The following PDE1B variants were observed in gnomAD, a reference collection of about 807,000 sequenced individuals.
PDE1B encodes phosphodiesterase 1B.
In PDE1B, 13 loss-of-function variants were observed where a neutral mutation model predicts 66.7. The ratio of observed to expected loss-of-function variants is 0.19; its 90% CI spans 0.13 to 0.31. The LOEUF is 0.31. Ranked by LOEUF, PDE1B falls within the 10% of genes least tolerant of loss-of-function variation. PDE1B has a pLI of 1.00. For missense variants in PDE1B, 485 were observed against 682.3 expected (o/e 0.71, Z 3.22); for synonymous variants, 230 against 253.9 (o/e 0.91, Z 0.90).
intron 3 of PDE1B, among the ~76,000 whole-genome samples, chr12:54,567,524 TAAATA>T (rs766801477): frequency 0.026 from 3,759 of 147,244 alleles, 60 homozygotes; most frequent in Middle Eastern, 0.051. Context: ...AATAAATAAA[TAAATA>T]AAAAAAATAA....
chr12:54,553,200 T>C (rs1957301906), intron 2 of PDE1B, among the ~76,000 whole-genome samples: 1 of 152,204 alleles, frequency 6.6e-6, no homozygotes, highest in Non-Finnish European at 1.5e-5. Context: ...TCTACCACTC[T>C]GGGTTTCTGC....
At chr12:54,561,779 TGTGC>T in intron 2 of PDE1B, 1 of 509,066 alleles carries the variant, frequency 2.0e-6, no homozygotes, top group South Asian at 3.1e-5. Context: ...TGTGTGTGTG[TGTGC>T]GCGTGCCAAC....
chr12:54,559,896 A>G (rs1957384552), intron 2 of PDE1B, among the ~76,000 whole-genome samples: 1 of 152,118 alleles, frequency 6.6e-6, no homozygotes. Context: ...CCCATCCTGC[A>G]ACGCAAGCAT....
intron 2 of PDE1B, chr12:54,561,311 T>G: frequency 5.5e-6 from 2 of 363,594 alleles, no homozygotes; most frequent in Non-Finnish European, 9.3e-6. Context: ...GGGCTTCTTC[T>G]GAGAACAGAT....
chr12:54,567,857 TA>T (rs775457053), intron 3 of PDE1B, among the ~76,000 whole-genome samples: 1,429 of 142,360 alleles, frequency 0.01, 4 homozygotes, highest in Non-Finnish European at 0.015. Context: ...TATATATATA[TA>T]TATATTTTTT....
Position 54,575,134 on chromosome 12 carries a change from T to A in PDE1B, c.1101T>A (p.His367Gln). Residue 367 changes from histidine to glutamine, a missense_variant, in exon 11 of 16, where the codon CAT (histidine) becomes CAA (glutamine). Around this residue, in one of 4 missense-constraint regions of PDE1B, gnomAD observed 282 missense variants for 453.4 expected, o/e 0.62. Coordinates refer to ENST00000243052, the MANE Select transcript of PDE1B (RefSeq NM_000924.4). The surrounding 1 kb of genome is among the most constrained non-coding windows in gnomAD (Gnocchi z 4.0). ...CCAAGGCCCTGTCTCTACTGCTCCATGCTGCTGACATCAGCCACCCAACCA... is the reference window on the plus strand; with the variant it reads ...CCAAGGCCCTGTCTCTACTGCTCCAAGCTGCTGACATCAGCCACCCAACCA... ...DKPKALSLLL[H>Q]AADISHPTKQ... 6.2e-7 allele frequency: 1 copy of A among 1,613,946 alleles called. No individual in the cohort carries two copies. The highest frequency in any genetic ancestry group is 8.5e-7 in the Non-Finnish European group (1 of 1,179,836).
chr12:54,566,362 A>G (rs1156262412), intron 2 of PDE1B, among the ~76,000 whole-genome samples: 4 of 152,140 alleles, frequency 2.6e-5, no homozygotes, highest in African/African-American at 9.7e-5. Flanking sequence ...TGGATTCTGG[A>G]ATCATAATCC....
Position 54,550,618 on chromosome 12 carries a change from T to C in PDE1B, c.113+633T>C, listed in dbSNP as rs1014933930. Among the ~76,000 whole-genome samples, 11 of 141,640 alleles carry C rather than the reference T, an allele frequency of 7.8e-5. No individual in the cohort carries two copies. The South Asian group carries it at 2.3e-3, about 29-fold the overall frequency. The allele number at this position is 141,640 out of a possible 152,430, so 92.9% of individuals were successfully genotyped here. ...ACCCACGTGGAATCTGGAGGGGGGG[T>C]TGGAGCCCCCACCTGGAAGCTGAAG... On this transcript the variant is annotated intron_variant, in intron 2 of 15. Coordinates refer to ENST00000243052, the MANE Select transcript of PDE1B (RefSeq NM_000924.4).
Position 54,575,035 on chromosome 12 carries a change from A to G in PDE1B, c.1065-63A>G, listed in dbSNP as rs530896028. 1,447 of 1,473,766 alleles carry G rather than the reference A, an allele frequency of 9.8e-4. 2 individuals are homozygous for G. The highest frequency in any genetic ancestry group is 1.3e-3 in the Non-Finnish European group (1,389 of 1,065,652). The allele number at this position is 1,473,766 out of a possible 1,614,324, so 91.3% of individuals were successfully genotyped here. A position where few individuals can be genotyped will look rare whatever the true frequency, so the allele number is the denominator to read the frequency against. ...TAGGGTGTGCGTGGGAAGTTAGGGA[A>G]TGGTCCTAACTTCCTTTTCCTAAAA... On this transcript the variant is annotated intron_variant, in intron 10 of 15. Coordinates refer to ENST00000243052, the MANE Select transcript of PDE1B (RefSeq NM_000924.4). This position sits in a 1 kb window ranked among gnomAD's most constrained non-coding sequence, Gnocchi z 4.0.
At chr12:54,576,269 A>G in intron 13 of PDE1B, 169 bp downstream of exon 13, 1 of 637,476 alleles carries the variant, frequency 1.6e-6, no homozygotes, top group Admixed American at 2.3e-5. Flanking sequence ...TGGGATCAGA[A>G]GGGTGTGACC....
At chr12:54,550,047 G>C in intron 2 of PDE1B, 62 bp downstream of exon 2, 2 of 1,576,662 alleles carry the variant, frequency 1.3e-6, no homozygotes, top group African/African-American at 1.3e-5. Flanking sequence ...GGAGGAGGAG[G>C]GGGGATAACT....
In PDE1B at chr12:54,549,792, G is replaced by T. The variant is rs908853172; in HGVS notation, c.-14+20G>T. On this transcript the variant is annotated intron_variant, in intron 1 of 15. Transcript: ENST00000243052. ...CCGCAGGTGGGAAGGGCCTGGGATGGGGGGTGAGGGTCTCTCGGCTGGGGC... is the reference window on the plus strand; with the variant it reads ...CCGCAGGTGGGAAGGGCCTGGGATGTGGGGTGAGGGTCTCTCGGCTGGGGC... 1.8e-6 allele frequency: 2 copies of T among 1,104,048 alleles called. No homozygotes were observed. Among genetic ancestry groups the T allele is most frequent in the African/African-American group, 3.1e-5 (2 of 65,086 alleles). The allele number at this position is 1,104,048 out of a possible 1,614,324, so 68.4% of individuals were successfully genotyped here.
At position 54,575,961 on chromosome 12, in the gene PDE1B, A is replaced by T. The variant is rs771435477; in HGVS notation, c.1268-31A>T. On this transcript the variant is annotated intron_variant, in intron 12 of 15. Transcript: ENST00000243052. The surrounding 1 kb of genome is among the most constrained non-coding windows in gnomAD (Gnocchi z 4.0). The stretch of plus-strand genomic sequence containing the variant: ...GCCTAGCCCTCCAGATAATAGTAAG[A>T]CATCTCTACGGCATTGCTCCTCCAC... 2.7e-5 allele frequency: 38 copies of T among 1,426,236 alleles called. No individual in the cohort carries two copies. In the East Asian group the frequency reaches 8.5e-4, roughly 32 times the overall value. 88.3% of individuals were successfully genotyped at this position (1,426,236 alleles called of 1,614,324 possible). A position where few individuals can be genotyped will look rare whatever the true frequency, so the allele number is the denominator to read the frequency against.
At chr12:54,574,514 G>A (rs1488219976) in intron 10 of PDE1B, 1 of 152,300 alleles carries the variant, frequency 6.6e-6, no homozygotes, top group Non-Finnish European at 1.5e-5. Flanking sequence ...TAAGTAACTT[G>A]CTCAGTGTCA....
intron 10 of PDE1B, chr12:54,574,124 C>T (rs1259252956): frequency 4.8e-6 from 1 of 209,552 alleles, no homozygotes; most frequent in Non-Finnish European, 9.8e-6. Flanking sequence ...TTCCTAGTCT[C>T]ATAGGGCTAT....
At chr12:54,574,241 C>CTG (rs113679735) in intron 10 of PDE1B, 64 of 150,926 alleles carry the variant, frequency 4.2e-4, no homozygotes, top group African/African-American at 1.6e-3. Context: ...TGAGAGTGGA[C>CTG]TGTGTGTGTG....
intron 2 of PDE1B, among the ~76,000 whole-genome samples, chr12:54,555,682 G>A (rs1467173715): frequency 6.6e-6 from 1 of 152,068 alleles, no homozygotes; most frequent in African/African-American, 2.4e-5. Flanking sequence ...CTCTCTTTTT[G>A]AGTCTTTAAA....
In PDE1B at chr12:54,570,349, C is replaced by T. The variant is rs1258824137; in HGVS notation, c.586C>T (p.Arg196Cys). The stretch of plus-strand genomic sequence containing the variant: ...GCTGACTCGGCATAACCTCATCAGC[C>T]GCTTCAAGGTTGGGCAGCATCCTAC... Reference protein sequence around the residue: ...ELLTRHNLISRFKIPTVFLMS... With the variant: ...ELLTRHNLISCFKIPTVFLMS... The change falls in exon 6 of 16, where the codon CGC (arginine) becomes TGC (cysteine). Residue 196 changes from arginine to cysteine, a missense_variant. Arg to Cys is a radical substitution (Grantham distance 180, BLOSUM62 -3). Transcript: ENST00000243052. 9 of 1,599,592 alleles carry T rather than the reference C, an allele frequency of 5.6e-6. No individual in the cohort carries two copies. The highest frequency in any genetic ancestry group is 2.2e-5 in the East Asian group (1 of 44,800).
At chr12:54,559,387 G>A (rs1957378234) in intron 2 of PDE1B, among the ~76,000 whole-genome samples, 1 of 151,958 alleles carries the variant, frequency 6.6e-6, no homozygotes, top group Non-Finnish European at 1.5e-5. Context: ...CTACATTTAA[G>A]GGCTAAAGGA....
Sources: allele counts gnomAD v4.1 joint callset (sites outside exome capture counted in the v4.1 genomes callset), GRCh38; gene constraint gnomAD v4.1.1; regional missense constraint gnomAD v4.1.1; non-coding constraint Gnocchi (gnomAD v3.1); transcripts MANE v1.5; gene names NCBI Gene and HGNC (gene_info 2026-07-23, HGNC 2026-07-21).